RERE: variants seen among roughly 807,000 people sequenced by gnomAD.
The protein encoded by RERE is arginine-glutamic acid dipeptide repeats, also known as arginine-glutamic acid dipeptide repeats protein.
A neutral mutation model predicts 146.1 loss-of-function variants in RERE; 40 were observed. The ratio of observed to expected loss-of-function variants is 0.27; its 90% CI spans 0.21 to 0.36. RERE has a LOEUF of 0.36. Among genes scored for constraint, RERE ranks in the 10% least tolerant of loss-of-function variants. The probability of loss-of-function intolerance (pLI) is 1.00; values close to 1 mark genes in which losing one functional copy is unlikely to be tolerated. For missense variants in RERE, 1,933 were observed against 2,138.7 expected, an observed-to-expected ratio of 0.90 and a Z score of 1.90; for synonymous variants, 1,003 against 866.0, an observed-to-expected ratio of 1.16 and a Z score of -2.78.
chr1:8,780,828 G>A (rs1321410066), intron 1 of RERE, among the ~76,000 whole-genome samples: 1 of 152,168 alleles, frequency 6.6e-6, no homozygotes, highest in African/African-American at 2.4e-5. Context: ...TCTTCCAACT[G>A]AAAATCTCAA....
chr1:8,530,685 T>TTTTC (rs540831332), intron 7 of RERE, among the ~76,000 whole-genome samples: 20,570 of 135,624 alleles, frequency 0.15, 1,892 homozygotes, highest in Middle Eastern at 0.27. Flanking sequence ...TTTTCTTTTT[T>TTTTC]TTTTTTTTTT....
intron 2 of RERE, among the ~76,000 whole-genome samples, chr1:8,637,032 G>A (rs1174550337): frequency 6.6e-6 from 1 of 151,998 alleles, no homozygotes; most frequent in Non-Finnish European, 1.5e-5. Flanking sequence ...ATGCCCTAGT[G>A]GCATCCAGAA....
chr1:8,675,252 C>G (rs1486684463), intron 1 of RERE, among the ~76,000 whole-genome samples: 2 of 152,066 alleles, frequency 1.3e-5, no homozygotes, highest in Non-Finnish European at 2.9e-5. Flanking sequence ...ATGATATGTG[C>G]TGCTTTCTTC....
intron 1 of RERE, among the ~76,000 whole-genome samples, chr1:8,695,948 G>C (rs969622656): frequency 6.6e-6 from 1 of 152,098 alleles, no homozygotes; most frequent in Non-Finnish European, 1.5e-5. Context: ...CTCAAAAGAA[G>C]ACATACAAGT....
chr1:8,453,246 T>G (rs1228042902), intron 11 of RERE, among the ~76,000 whole-genome samples: 1 of 152,218 alleles, frequency 6.6e-6, no homozygotes, highest in Non-Finnish European at 1.5e-5. Context: ...AATTTTCTAC[T>G]TTTGTTATTG....
At chr1:8,705,599 ATTT>A (rs1270273003) in intron 1 of RERE, among the ~76,000 whole-genome samples, 1 of 151,988 alleles carries the variant, frequency 6.6e-6, no homozygotes, top group South Asian at 2.1e-4. Flanking sequence ...CATGGGTGTG[ATTT>A]TTTTTAACAC....
At chr1:8,378,733 C>T (rs181027827) in intron 12 of RERE, among the ~76,000 whole-genome samples, 199 of 152,254 alleles carry the variant, frequency 1.3e-3, no homozygotes, top group African/African-American at 4.7e-3. Context: ...ACCCAGTCTA[C>T]GGTATTCTGT....
Position 8,655,935 on chromosome 1 carries a change from T to C in RERE, c.325+38A>G, listed in dbSNP as rs763885105. ...CATAATGCCAAGATCATTCCCCCAC[T>C]GTAAACATTGGCAAGACCCAAACGT... On this transcript the variant is annotated intron_variant, in intron 2 of 22. Coordinates refer to ENST00000400908, the MANE Select transcript of RERE (RefSeq NM_001042681.2). 2.5e-5 allele frequency: 40 copies of C among 1,596,600 alleles called. No homozygotes were observed. In the East Asian group the frequency reaches 7.6e-4, roughly 30 times the overall value.
At chr1:8,569,206 C>A in intron 4 of RERE, among the ~76,000 whole-genome samples, 1 of 151,394 alleles carries the variant, frequency 6.6e-6, no homozygotes, top group African/African-American at 2.4e-5. Context: ...TGTCAAATTC[C>A]CCCTTAATCC....
Position 8,361,183 on chromosome 1 carries a change from G to A in RERE, c.2324C>T (p.Pro775Leu). 6.8e-7 allele frequency: 1 copy of A among 1,470,864 alleles called. No individual in the cohort carries two copies. The highest frequency in any genetic ancestry group is 8.9e-7 in the Non-Finnish European group (1 of 1,117,370). 91.1% of individuals were successfully genotyped at this position (1,470,864 alleles called of 1,614,324 possible). A position where few individuals can be genotyped will look rare whatever the true frequency, so the allele number is the denominator to read the frequency against. Residue 775 changes from proline (P) to leucine (L), a missense_variant, in exon 18 of 23, where the codon CCA (proline) becomes CTA (leucine). Physicochemically the swap from Pro to Leu is moderately conservative, Grantham distance 98. This residue lies in a region of RERE where 1,255 missense variants were observed against 1,153.8 expected (regional missense o/e 1.09). Transcript: ENST00000400908. ...CTGGGAGGCCGTGGGGGAGCCCTGT[G>A]GGGGAACTGCAGTGGCAGAGGGCGT... ...GPTPSATAVP[P>L]QGSPTASQAP...
intron 4 of RERE, among the ~76,000 whole-genome samples, chr1:8,585,146 C>CAAAAAAAAAAAAAA (rs3082123): frequency 3.1e-5 from 4 of 130,120 alleles, no homozygotes; most frequent in African/African-American, 1.2e-4. Flanking sequence ...GACTCCATCT[C>CAAAAAAAAAAAAAA]AAAAAAAAAA....
intron 11 of RERE, among the ~76,000 whole-genome samples, chr1:8,437,720 A>ATT (rs1277403698): frequency 6.6e-6 from 1 of 152,216 alleles, no homozygotes; most frequent in Non-Finnish European, 1.5e-5. Context: ...ATTTATAAGG[A>ATT]ATACAAACAT....
At chr1:8,397,601 A>G (rs979774862) in intron 12 of RERE, among the ~76,000 whole-genome samples, 1 of 152,108 alleles carries the variant, frequency 6.6e-6, no homozygotes, top group African/African-American at 2.4e-5. Context: ...AAAAAAAAAA[A>G]AACACATGAA....
At chr1:8,506,807 T>C (rs114879706) in intron 8 of RERE, among the ~76,000 whole-genome samples, 1 of 152,216 alleles carries the variant, frequency 6.6e-6, no homozygotes, top group Non-Finnish European at 1.5e-5. Context: ...ATTTCATTCA[T>C]TGTAAGATCC....
At chr1:8,780,883 C>T (rs1411147295) in intron 1 of RERE, among the ~76,000 whole-genome samples, 1 of 152,180 alleles carries the variant, frequency 6.6e-6, no homozygotes, top group Admixed American at 6.5e-5. Flanking sequence ...ACCTACACCT[C>T]ACTTCTCTGC....
intron 6 of RERE, 70 bp downstream of exon 6, chr1:8,556,405 G>A: frequency 4.4e-6 from 4 of 912,762 alleles, no homozygotes; most frequent in Non-Finnish European, 7.3e-6. Context: ...AAGATCAGGA[G>A]AAATTACTCT....
intron 1 of RERE, among the ~76,000 whole-genome samples, chr1:8,705,261 C>CA (rs1639534949): frequency 6.6e-6 from 1 of 152,198 alleles, no homozygotes; most frequent in Non-Finnish European, 1.5e-5. Flanking sequence ...TTATGCCACT[C>CA]AAATTCTTTT....
chr1:8,644,567 A>T (rs1036941015), intron 2 of RERE, among the ~76,000 whole-genome samples: 3 of 152,262 alleles, frequency 2.0e-5, no homozygotes, highest in African/African-American at 7.2e-5. Flanking sequence ...TTATTAGATC[A>T]TAGAAAAATG....
chr1:8,697,397 T>G (rs1307529134), intron 1 of RERE, among the ~76,000 whole-genome samples: 1 of 83,490 alleles, frequency 1.2e-5, no homozygotes, highest in South Asian at 4.1e-4. Flanking sequence ...CCCACACAAC[T>G]TTTTTTTTTT....
Sources: gnomAD v4.1 joint callset for allele counts (sites outside exome capture counted in the v4.1 genomes callset) on GRCh38, gnomAD v4.1.1 for gene constraint, gnomAD v4.1.1 regional missense constraint, MANE v1.5 for transcripts, NCBI Gene and HGNC (gene_info 2026-07-23, HGNC 2026-07-21) for gene names.